The following DPF3 variants were observed in gnomAD, a reference collection of about 807,000 sequenced individuals.
DPF3 encodes double PHD fingers 3, also known as zinc finger protein DPF3.
DPF3 carries 18 observed loss-of-function variants against 56.8 expected under a neutral mutation model. The observed-to-expected ratio is 0.32, with a 90% CI of 0.22 to 0.47. DPF3 has a LOEUF of 0.47. Ranked by LOEUF, DPF3 falls within the 20% of genes least tolerant of loss-of-function variation. The pLI is 1.00. For synonymous variants in DPF3, 188 were observed against 180.2 expected (o/e 1.04, Z -0.35); for missense variants, 403 against 488.8 (o/e 0.82, Z 1.65).
intron 8 of DPF3, among the ~76,000 whole-genome samples, chr14:72,640,344 G>A (rs1373056175): frequency 6.6e-6 from 1 of 152,210 alleles, no homozygotes; most frequent in Non-Finnish European, 1.5e-5. Flanking sequence ...TGAGTCTGGT[G>A]ATAGGTCAGA....
intron 8 of DPF3, chr14:72,662,767 C>G: frequency 2.0e-6 from 2 of 991,698 alleles, no homozygotes; most frequent in South Asian, 9.1e-5. Context: ...ATCATCCTGG[C>G]TTCTTTTCAC....
At chr14:72,740,875 C>T (rs900997501) in intron 3 of DPF3, among the ~76,000 whole-genome samples, 45 of 152,228 alleles carry the variant, frequency 3.0e-4, no homozygotes, top group Admixed American at 2.4e-3. Flanking sequence ...CGGCCAAGTT[C>T]TAGGTCATCT....
intron 8 of DPF3, among the ~76,000 whole-genome samples, chr14:72,652,332 A>T (rs917998926): frequency 1.3e-5 from 2 of 151,936 alleles, no homozygotes; most frequent in African/African-American, 4.8e-5. Flanking sequence ...TGGTGGGCTG[A>T]CTCATTTGGC....
chr14:72,719,733 G>C lies in DPF3; in HGVS notation c.525+3900C>G, dbSNP rs190773227. On this transcript the variant is annotated intron_variant, in intron 5 of 10. Transcript: ENST00000556509. ...AATACCCATTATCAAAATTCCAAGAGTTATTCCCTTTGCTTGCCCCCTCCT... is the reference window on the plus strand; with the variant it reads ...AATACCCATTATCAAAATTCCAAGACTTATTCCCTTTGCTTGCCCCCTCCT... Among the ~76,000 whole-genome samples the C allele has an allele frequency of 1.3e-3, 195 of 152,260 alleles. 3 individuals carry two copies. Among genetic ancestry groups the C allele is most frequent in the South Asian group, 4.1e-4 (2 of 4,820 alleles).
At position 72,755,308 on chromosome 14, in the gene DPF3, G is replaced by T. The variant is rs147423970; in HGVS notation, c.194-1937C>A. On this transcript the variant is annotated intron_variant, in intron 2 of 10. Coordinates refer to ENST00000556509, the MANE Select transcript of DPF3 (RefSeq NM_001280542.3). ...GCAGTCACTGTGCTTGGTGGTCAGC[G>T]GTACCAGAGAAGCCCCAGGCCACTC... Among the ~76,000 whole-genome samples, 25 of 152,250 alleles carry T rather than the reference G, an allele frequency of 1.6e-4. No homozygotes were observed. In the South Asian group the frequency reaches 5.2e-3, roughly 32 times the overall value.
At chr14:72,743,167 A>G (rs1890197618) in intron 3 of DPF3, among the ~76,000 whole-genome samples, 1 of 152,114 alleles carries the variant, frequency 6.6e-6, no homozygotes, top group South Asian at 2.1e-4. Context: ...CCTCCCTCCC[A>G]TCACCCTCGG....
In DPF3 at chr14:72,840,923, ACCC is replaced by A. The variant is rs140711422; in HGVS notation, c.32+53131_32+53133del. On this transcript the variant is annotated intron_variant, in intron 1 of 10. Coordinates refer to ENST00000556509, the MANE Select transcript of DPF3 (RefSeq NM_001280542.3). Reference sequence around the variant, plus strand: ...CCTTAAAATTCTCCTTAGAAGAGAGACCCTCTGCTCCTAGAAATACAAATTCCC... The same window carrying A: ...CCTTAAAATTCTCCTTAGAAGAGAGATCTGCTCCTAGAAATACAAATTCCC... Among the ~76,000 whole-genome samples, 1,459 of 152,226 alleles carry A rather than the reference ACCC, an allele frequency of 9.6e-3. 28 individuals carry two copies. Among genetic ancestry groups the A allele is most frequent in the African/African-American group, 0.033 (1,374 of 41,514 alleles).
chr14:72,708,555 G>A (rs922524918), intron 6 of DPF3, among the ~76,000 whole-genome samples: 5 of 152,224 alleles, frequency 3.3e-5, no homozygotes, highest in African/African-American at 7.2e-5. Context: ...CGAAAAGCAC[G>A]TGAGCCTTAA....
intron 3 of DPF3, among the ~76,000 whole-genome samples, chr14:72,736,874 CACAT>C (rs1889913339): frequency 6.6e-6 from 1 of 152,070 alleles, no homozygotes; most frequent in Admixed American, 6.5e-5. Context: ...CCAAAACACA[CACAT>C]AATTCATCTT....
chr14:72,858,316 A>G (rs1885250744), intron 1 of DPF3, among the ~76,000 whole-genome samples: 1 of 151,410 alleles, frequency 6.6e-6, no homozygotes, highest in South Asian at 2.1e-4. Flanking sequence ...CTCAAAAAAA[A>G]AAAAAAAAAC....
In DPF3 at chr14:72,672,508, T is replaced by C. The variant is rs528254812; in HGVS notation, c.871+1732A>G. ...ATGGTATCAACTATTTCAGGAACAT[T>C]AGAGTCAGACCTTGACTAAATCATC... On this transcript the variant is annotated intron_variant, in intron 8 of 10. Coordinates refer to ENST00000556509, the MANE Select transcript of DPF3 (RefSeq NM_001280542.3). 1.2e-4 allele frequency among the ~76,000 whole-genome samples: 19 copies of C among 152,284 alleles called. 1 individual carries two copies. The South Asian group carries it at 2.9e-3, about 23-fold the overall frequency.
chr14:72,835,848 C>A (rs959845710), intron 1 of DPF3, among the ~76,000 whole-genome samples: 8 of 152,306 alleles, frequency 5.3e-5, no homozygotes, highest in Admixed American at 4.6e-4. Context: ...AGTTACCCCA[C>A]AAGGACAGGA....
chr14:72,655,826 T>C (rs550333391), intron 8 of DPF3, among the ~76,000 whole-genome samples: 1 of 152,340 alleles, frequency 6.6e-6, no homozygotes, highest in South Asian at 2.1e-4. Flanking sequence ...AGGCACCAAC[T>C]CTTCCAGGTC....
At chr14:72,812,033 C>A (rs968175608) in intron 1 of DPF3, among the ~76,000 whole-genome samples, 2 of 152,116 alleles carry the variant, frequency 1.3e-5, no homozygotes, top group African/African-American at 4.8e-5. Flanking sequence ...CAAACAGAAG[C>A]CCCTGCACTG....
intron 1 of DPF3, among the ~76,000 whole-genome samples, chr14:72,854,340 C>T (rs1288114593): frequency 2.6e-5 from 4 of 152,086 alleles, no homozygotes; most frequent in Non-Finnish European, 4.4e-5. Flanking sequence ...CTACTCCAGC[C>T]TGGGTGATAG....
At chr14:72,756,471 C>A (rs1890793577) in intron 2 of DPF3, among the ~76,000 whole-genome samples, 1 of 152,100 alleles carries the variant, frequency 6.6e-6, no homozygotes, top group Admixed American at 6.5e-5. Flanking sequence ...CTCTCACAGA[C>A]AAAGCATGAG....
In DPF3 at chr14:72,613,855, C is replaced by T. The variant is rs1473929928; in HGVS notation, c.*5442G>A. Among the ~76,000 whole-genome samples, 2 of 152,188 alleles carry T rather than the reference C, an allele frequency of 1.3e-5. No individual in the cohort carries two copies. Among genetic ancestry groups the T allele is most frequent in the Non-Finnish European group, 2.9e-5 (2 of 68,036 alleles). On this transcript the variant is annotated 3_prime_UTR_variant, in exon 11 of 11. Transcript: ENST00000556509. Reference sequence around the variant, plus strand: ...CGCCCGCCGCACAGCCAGGCCTCCCCGGGGACAGCTGCTGAGAGGCTCTAA... The same window carrying T: ...CGCCCGCCGCACAGCCAGGCCTCCCTGGGGACAGCTGCTGAGAGGCTCTAA...
rs1886640557 is a variant in DPF3 at position 72,670,875 on chromosome 14, C to T, written c.871+3365G>A. The T allele has an allele frequency of 7.4e-6, 9 of 1,209,472 alleles. No homozygotes were observed. The South Asian group carries it at 8.9e-5, about 12-fold the overall frequency. The allele number at this position is 1,209,472 out of a possible 1,614,324, so 74.9% of individuals were successfully genotyped here. On this transcript the variant is annotated intron_variant, in intron 8 of 10. Coordinates refer to ENST00000556509, the MANE Select transcript of DPF3 (RefSeq NM_001280542.3). ...TCCTATTTCTATGGAAAATAAATAG[C>T]GCATCACGATGCCATCTCTCGGAAG... is the stretch of plus-strand genomic sequence containing the variant.
chr14:72,674,309 C>A lies in DPF3; in HGVS notation c.802G>T (p.Gly268Cys). 2 of 1,612,532 alleles carry A rather than the reference C, an allele frequency of 1.2e-6. No homozygotes were observed. Among genetic ancestry groups the A allele is most frequent in the Non-Finnish European group, 1.7e-6 (2 of 1,179,450 alleles). Residue 268 changes from glycine (G) to cysteine (C), a missense_variant, in exon 8 of 11, where the codon GGC becomes TGC. Gly to Cys is a radical substitution (Grantham distance 159, BLOSUM62 -3). Coordinates refer to ENST00000556509, the MANE Select transcript of DPF3 (RefSeq NM_001280542.3). ...PNNYCDFCLGGSNMNKKSGRP... is the reference protein window; with the variant it reads ...PNNYCDFCLGCSNMNKKSGRP... Reference sequence around the variant, plus strand: ...CCACTCTTCTTGTTCATGTTGGAGCCCCCCAAGCAGAAGTCACAGTAGTTA... The same window carrying A: ...CCACTCTTCTTGTTCATGTTGGAGCACCCCAAGCAGAAGTCACAGTAGTTA...
Sources: gnomAD v4.1 joint callset for allele counts (sites outside exome capture counted in the v4.1 genomes callset) on GRCh38, gnomAD v4.1.1 for gene constraint, MANE v1.5 for transcripts, NCBI Gene and HGNC (gene_info 2026-07-23, HGNC 2026-07-21) for gene names.